Variants in MAP7D3 observed in about 807,000 individuals in gnomAD.
The protein encoded by MAP7D3 is MAP7 domain-containing protein 3.
Under a neutral mutation model 62.2 loss-of-function variants are expected in MAP7D3, and 45 were observed. That is an observed-to-expected ratio of 0.72 (90% CI 0.57 to 0.93). The LOEUF is 0.93. MAP7D3 is among the 40% of genes least tolerant of loss of function. The pLI is 0.00. For missense variants in MAP7D3, 711 were observed against 683.1 expected (o/e 1.04, Z -0.45); for synonymous variants, 288 against 248.8 (o/e 1.16, Z -1.48).
chrX:136,237,359 T>C (rs1289083900), intron 6 of MAP7D3, among the ~76,000 whole-genome samples: 21 of 111,770 alleles, frequency 1.9e-4, no homozygotes, highest in Non-Finnish European at 4.0e-4. Context: ...CAGCAATGAG[T>C]AGAAAAAAAT....
chrX:136,251,825 G>T (rs1569532528), upstream of MAP7D3, among the ~76,000 whole-genome samples: 1 of 111,704 alleles, frequency 9.0e-6, no homozygotes, highest in East Asian at 2.8e-4. Flanking sequence ...GGGGGAAGAA[G>T]CCTAGGGAGA....
chrX:136,218,848 G>A (rs2074089730), intron 18 of MAP7D3, among the ~76,000 whole-genome samples: 1 of 111,007 alleles, frequency 9.0e-6, no homozygotes, highest in African/African-American at 3.3e-5. Context: ...ATGCAAGCTT[G>A]AAAAGATCAT....
chrX:136,256,326 C>T (rs1266721273), upstream of MAP7D3: 1 of 1,153,669 alleles, frequency 8.7e-7, no homozygotes, highest in African/African-American at 1.8e-5. Context: ...TCATGTCTCA[C>T]TTGGTTGATG....
At chrX:136,235,103 G>A (rs2074314783) in intron 7 of MAP7D3, among the ~76,000 whole-genome samples, 1 of 112,065 alleles carries the variant, frequency 8.9e-6, no homozygotes, top group Non-Finnish European at 1.9e-5. Context: ...ATTCCCCACC[G>A]TATGAAATTT....
chrX:136,236,326 C>T lies in MAP7D3; in HGVS notation c.654G>A (p.Lys218=). ...TTCTATTTAAAGATGAGCTTCTCTC[C>T]TTGTCTGTTTTCCCTAGAGAGCAAG... ...QNSVAKRKTD[K]ERSSSLNRRD... Residue 218 remains lysine (K), a synonymous_variant, in exon 7 of 19, where the codon AAG becomes AAA. Coordinates refer to ENST00000316077, the MANE Select transcript of MAP7D3 (RefSeq NM_024597.4). 1.7e-6 allele frequency: 2 copies of T among 1,164,596 alleles called. No individual in the cohort carries two copies. Among genetic ancestry groups the T allele is most frequent in the Non-Finnish European group, 2.3e-6 (2 of 858,178 alleles).
chrX:136,231,498 TAC>T, intron 8 of MAP7D3, 44 bp downstream of exon 8: 2 of 1,065,356 alleles, frequency 1.9e-6, no homozygotes, highest in Non-Finnish European at 2.5e-6. Context: ...CAACAAAATA[TAC>T]ATATTTTAAT....
At chrX:136,226,662 G>A (rs2074201026) in intron 12 of MAP7D3, among the ~76,000 whole-genome samples, 1 of 111,899 alleles carries the variant, frequency 8.9e-6, no homozygotes, top group East Asian at 2.8e-4. Context: ...CAAGATGGGG[G>A]AAACCAATGT....
chrX:136,229,993 ATTTTTT>A (rs1173283842), intron 10 of MAP7D3, among the ~76,000 whole-genome samples: 1 of 48,126 alleles, frequency 2.1e-5, no homozygotes, highest in Admixed American at 3.2e-4. Flanking sequence ...ATATATATAT[ATTTTTT>A]TTTTTTTTGT....
chrX:136,236,650 T>C (rs1230408185), intron 6 of MAP7D3, among the ~76,000 whole-genome samples: 5 of 112,001 alleles, frequency 4.5e-5, no homozygotes, highest in African/African-American at 1.3e-4. Context: ...ATTTACACTT[T>C]AGTTATAACT....
At chrX:136,213,470 A>C (rs1416501112), downstream of MAP7D3, 24 of 111,075 alleles carry the variant, frequency 2.2e-4, no homozygotes, top group Non-Finnish European at 1.9e-5. Flanking sequence ...ACTGTGGGCA[A>C]GTTAACCTCT....
chrX:136,214,210 A>G (rs770421339), downstream of MAP7D3: 9 of 112,105 alleles, frequency 8.0e-5, no homozygotes, highest in Non-Finnish European at 1.7e-4. Flanking sequence ...AATGATTACA[A>G]TACAGTTGGG....
chrX:136,229,488 G>A (rs1451194809), intron 10 of MAP7D3, among the ~76,000 whole-genome samples: 2 of 111,284 alleles, frequency 1.8e-5, no homozygotes, highest in African/African-American at 3.3e-5. Flanking sequence ...ATGTCCATGG[G>A]TATTAAGAAT....
intron 7 of MAP7D3, among the ~76,000 whole-genome samples, chrX:136,235,601 T>C (rs1387590405): frequency 9.1e-6 from 1 of 110,491 alleles, no homozygotes; most frequent in Non-Finnish European, 1.9e-5. Flanking sequence ...ATACAAAAAT[T>C]AGCCAGGCGT....
At chrX:136,245,265 G>A (rs1312169631) in intron 3 of MAP7D3, among the ~76,000 whole-genome samples, 1 of 111,246 alleles carries the variant, frequency 9.0e-6, no homozygotes, top group Non-Finnish European at 1.9e-5. Flanking sequence ...TTACATTAAT[G>A]GACTTAACCA....
intron 6 of MAP7D3, among the ~76,000 whole-genome samples, chrX:136,239,579 A>T (rs1289675190): frequency 1.8e-5 from 2 of 112,288 alleles, no homozygotes; most frequent in African/African-American, 6.5e-5. Flanking sequence ...CAAGGAAGGC[A>T]ATTATACTTG....
chrX:136,251,597 T>C (rs764120275), upstream of MAP7D3: 7 of 798,764 alleles, frequency 8.8e-6, no homozygotes, highest in East Asian at 6.7e-4. Context: ...CCCTCTCCTA[T>C]GTTCCGTGCT....
At chrX:136,223,409 C>T (rs887541535) in intron 14 of MAP7D3, among the ~76,000 whole-genome samples, 6 of 109,875 alleles carry the variant, frequency 5.5e-5, no homozygotes, top group Non-Finnish European at 1.1e-4. Context: ...TGAAACAGAC[C>T]ACAAAGACAC....
upstream of MAP7D3, chrX:136,251,653 G>A (rs967132267): frequency 7.2e-5 from 39 of 545,171 alleles, no homozygotes; most frequent in Non-Finnish European, 7.9e-5. Context: ...CACCCAGCTT[G>A]GCCCCCCCAA....
At chrX:136,230,754 C>G in intron 9 of MAP7D3, 85 bp downstream of exon 9, 1 of 1,020,564 alleles carries the variant, frequency 9.8e-7, no homozygotes, top group East Asian at 3.1e-5. Context: ...ACCATGCATA[C>G]TATATTATTT....
Sources: gnomAD v4.1 joint callset for allele counts (sites outside exome capture counted in the v4.1 genomes callset) on GRCh38, gnomAD v4.1.1 for gene constraint, MANE v1.5 for transcripts, NCBI Gene and HGNC (gene_info 2026-07-23, HGNC 2026-07-21) for gene names.